COMMD10: variants seen among roughly 807,000 people sequenced by gnomAD.
COMMD10 encodes COMM domain containing 10, also known as COMM domain-containing protein 10.
In COMMD10, 33 loss-of-function variants were observed where a neutral mutation model predicts 28.9. The ratio of observed to expected loss-of-function variants is 1.14; its 90% confidence interval spans 0.87 to 1.53. COMMD10 has a LOEUF of 1.53. Among genes scored for constraint, COMMD10 ranks in the 40% most tolerant of loss-of-function variants. The probability of loss-of-function intolerance (pLI) is 0.00; values close to 1 mark genes in which losing one functional copy is unlikely to be tolerated. For missense variants in COMMD10, 310 were observed against 233.4 expected (o/e 1.33, Z -2.14); for synonymous variants, 110 against 81.7 (o/e 1.35, Z -1.87).
At chr5:116,254,993 G>A (rs1304790438) in intron 5 of COMMD10, among the ~76,000 whole-genome samples, 1 of 151,506 alleles carries the variant, frequency 6.6e-6, no homozygotes, top group Non-Finnish European at 1.5e-5. Flanking sequence ...TGTATTGGGT[G>A]CATATATATT....
Position 116,279,802 on chromosome 5 carries a change from C to T in COMMD10, c.511-11715C>T, listed in dbSNP as rs183048877. Among the ~76,000 whole-genome samples, 33 of 151,788 alleles carry T rather than the reference C, an allele frequency of 2.2e-4. 1 individual carries two copies. The East Asian group carries it at 6.4e-3, about 29-fold the overall frequency. On this transcript the variant is annotated intron_variant, in intron 5 of 6. Coordinates refer to ENST00000274458, the MANE Select transcript of COMMD10 (RefSeq NM_016144.4). ...AGAGATTTGATTACATTTTTTCAGA[C>T]CATTTTTGAGAAATTGAAGACTTTA...
chr5:116,092,402 TA>T, intron 3 of COMMD10, 142 bp from the exon 4 acceptor site: 1 of 494,430 alleles, frequency 2.0e-6, no homozygotes, highest in Non-Finnish European at 3.4e-6. Context: ...TTATTATGTG[TA>T]AAATAACCAA....
At chr5:116,286,480 T>G (rs1191572739) in intron 5 of COMMD10, among the ~76,000 whole-genome samples, 1 of 151,480 alleles carries the variant, frequency 6.6e-6, no homozygotes, top group African/African-American at 2.4e-5. Context: ...ATATGTATTT[T>G]ACATTATACA....
At chr5:116,231,127 G>T (rs1027971062) in intron 5 of COMMD10, among the ~76,000 whole-genome samples, 6 of 152,096 alleles carry the variant, frequency 3.9e-5, no homozygotes, top group African/African-American at 1.4e-4. Flanking sequence ...GAGCCTCTCA[G>T]ATGTTCTAAA....
chr5:116,246,057 A>T (rs1441972609), intron 5 of COMMD10, among the ~76,000 whole-genome samples: 1 of 152,200 alleles, frequency 6.6e-6, no homozygotes, highest in Non-Finnish European at 1.5e-5. Flanking sequence ...CCCTGTTTGC[A>T]GATGAAATGA....
chr5:116,249,503 G>A (rs937095166), intron 5 of COMMD10, among the ~76,000 whole-genome samples: 2 of 151,882 alleles, frequency 1.3e-5, no homozygotes, highest in African/African-American at 4.8e-5. Flanking sequence ...AAGTACTAAA[G>A]TATTAATAAA....
At chr5:116,188,900 G>A (rs956348282) in intron 5 of COMMD10, among the ~76,000 whole-genome samples, 1 of 152,266 alleles carries the variant, frequency 6.6e-6, no homozygotes, top group African/African-American at 2.4e-5. Context: ...ATAGTTCTGG[G>A]ATTATAGGCG....
intron 4 of COMMD10, among the ~76,000 whole-genome samples, chr5:116,103,476 G>A (rs1235047660): frequency 1.3e-5 from 2 of 152,154 alleles, no homozygotes; most frequent in Non-Finnish European, 2.9e-5. Context: ...CTTTTGAGAA[G>A]TGTCTGTTCA....
intron 5 of COMMD10, among the ~76,000 whole-genome samples, chr5:116,256,276 A>T (rs549977171): frequency 6.6e-6 from 1 of 151,784 alleles, no homozygotes; most frequent in African/African-American, 2.4e-5. Flanking sequence ...GGAAACTTCA[A>T]ATGGCAGTAT....
At chr5:116,110,628 A>C (rs1355645442) in intron 4 of COMMD10, among the ~76,000 whole-genome samples, 1 of 152,186 alleles carries the variant, frequency 6.6e-6, no homozygotes, top group Admixed American at 6.5e-5. Flanking sequence ...GCTACACAGA[A>C]ATACCTGTGA....
rs201618279 is a variant in COMMD10, at chr5:116,087,623, C to A, written c.132+36C>A. The stretch of plus-strand genomic sequence containing the variant: ...GTGTGTTTCCATGCCTTGTAATCTT[C>A]CTTCTGATTTAATTGAAAGTCTGAT... On this transcript the variant is annotated intron_variant, in intron 2 of 6. Transcript: ENST00000274458. 16 of 1,351,598 alleles carry A rather than the reference C, an allele frequency of 1.2e-5. No homozygotes were observed. In the East Asian group the frequency reaches 3.2e-4, roughly 27 times the overall value. The allele number at this position is 1,351,598 out of a possible 1,614,324, so 83.7% of individuals were successfully genotyped here.
intron 5 of COMMD10, among the ~76,000 whole-genome samples, chr5:116,190,499 T>C (rs1396900006): frequency 6.6e-6 from 1 of 152,220 alleles, no homozygotes; most frequent in African/African-American, 2.4e-5. Flanking sequence ...TTAAAAACTA[T>C]TTCTAATCCT....
chr5:116,288,877 T>C lies in COMMD10; in HGVS notation c.511-2640T>C, dbSNP rs1279676222. Among the ~76,000 whole-genome samples, 474 of 114,168 alleles carry C rather than the reference T, an allele frequency of 4.2e-3. 4 individuals are homozygous for C. Among genetic ancestry groups the C allele is most frequent in the African/African-American group, 7.4e-3 (208 of 28,136 alleles). The allele number at this position is 114,168 out of a possible 152,430, so 74.9% of individuals were successfully genotyped here. On this transcript the variant is annotated intron_variant, in intron 5 of 6. Coordinates refer to ENST00000274458, the MANE Select transcript of COMMD10 (RefSeq NM_016144.4). ...CAATTGTTGGTGTTCTCTCTCTTTT[T>C]TTTTTTTTTTTTTTTTTTTTTTGTG... is the stretch of plus-strand genomic sequence containing the variant.
intron 5 of COMMD10, among the ~76,000 whole-genome samples, chr5:116,134,715 G>T (rs867647152): frequency 9.3e-4 from 141 of 152,202 alleles, no homozygotes; most frequent in African/African-American, 3.2e-3. Context: ...CCGCCCCCTG[G>T]GGTTCACGCC....
rs77560009 is a variant in COMMD10 at position 116,238,279 on chromosome 5, G to A, written c.511-53238G>A. Among the ~76,000 whole-genome samples, 21 of 152,290 alleles carry A rather than the reference G, an allele frequency of 1.4e-4. No individual in the cohort carries two copies. In the East Asian group the frequency reaches 3.3e-3, roughly 24 times the overall value. On this transcript the variant is annotated intron_variant, in intron 5 of 6. Coordinates refer to ENST00000274458, the MANE Select transcript of COMMD10 (RefSeq NM_016144.4). The stretch of plus-strand genomic sequence containing the variant: ...TCTTGGCATTGGTGACAGAAAAACT[G>A]CACATATTTACTGGACTGCATGACA...
chr5:116,179,928 T>C (rs1326000126), intron 5 of COMMD10, among the ~76,000 whole-genome samples: 3 of 151,832 alleles, frequency 2.0e-5, no homozygotes, highest in Admixed American at 6.6e-5. Context: ...AAAATAAAGG[T>C]AAGAAGAGTG....
At chr5:116,204,258 C>T (rs1343182905) in intron 5 of COMMD10, among the ~76,000 whole-genome samples, 1 of 152,144 alleles carries the variant, frequency 6.6e-6, no homozygotes, top group East Asian at 1.9e-4. Flanking sequence ...AAGTGACCTA[C>T]AAGGAGACTT....
intron 4 of COMMD10, among the ~76,000 whole-genome samples, chr5:116,131,761 T>C (rs151116035): frequency 2.6e-3 from 387 of 151,764 alleles, no homozygotes; most frequent in Non-Finnish European, 4.4e-3. Flanking sequence ...TAAATGTTAA[T>C]AGAGAAAGAT....
intron 5 of COMMD10, among the ~76,000 whole-genome samples, chr5:116,245,466 G>A (rs2112667591): frequency 6.6e-6 from 1 of 151,532 alleles, no homozygotes; most frequent in Admixed American, 6.6e-5. Flanking sequence ...AAGTTGATGA[G>A]CAACTCCTCC....
Sources: gnomAD v4.1 joint callset for allele counts (sites outside exome capture counted in the v4.1 genomes callset) on GRCh38, gnomAD v4.1.1 for gene constraint, MANE v1.5 for transcripts, NCBI Gene and HGNC (gene_info 2026-07-23, HGNC 2026-07-21) for gene names.